Variants in HS3ST4 observed in about 807,000 individuals in gnomAD.
HS3ST4 encodes the protein heparan sulfate-glucosamine 3-sulfotransferase 4, also known as heparan sulfate glucosamine 3-O-sulfotransferase 4.
In HS3ST4, 17 loss-of-function variants were observed where a neutral mutation model predicts 29.2. The observed-to-expected ratio is 0.58, with a 90% CI of 0.40 to 0.87. The LOEUF is 0.87. Ranked by LOEUF, HS3ST4 falls within the 40% of genes least tolerant of loss-of-function variation. HS3ST4 has a pLI of 0.00. For synonymous variants in HS3ST4, 314 were observed against 285.7 expected, an observed-to-expected ratio of 1.10 and a Z score of -1.00; for missense variants, 627 against 634.5, an observed-to-expected ratio of 0.99 and a Z score of 0.13.
chr16:25,954,420 C>T (rs1184352580), intron 1 of HS3ST4, among the ~76,000 whole-genome samples: 2 of 152,122 alleles, frequency 1.3e-5, no homozygotes, highest in Non-Finnish European at 2.9e-5. Context: ...GCTGCTTGAT[C>T]ACACTGACCA....
At chr16:25,965,647 G>A (rs60743496) in intron 1 of HS3ST4, among the ~76,000 whole-genome samples, 16 of 151,916 alleles carry the variant, frequency 1.1e-4, no homozygotes, top group Non-Finnish European at 1.9e-4. Context: ...TTTATCATTC[G>A]TGTGTCTTCA....
chr16:26,030,527 A>G (rs1473530577), intron 1 of HS3ST4, among the ~76,000 whole-genome samples: 2 of 152,232 alleles, frequency 1.3e-5, no homozygotes, highest in East Asian at 3.8e-4. Context: ...CATATTTGTA[A>G]TTACTAGAAA....
At chr16:26,006,963 A>C (rs1209291538) in intron 1 of HS3ST4, among the ~76,000 whole-genome samples, 2 of 152,242 alleles carry the variant, frequency 1.3e-5, no homozygotes, top group Non-Finnish European at 2.9e-5. Context: ...GCCTAAGGGC[A>C]GCTTGGAGGT....
At chr16:25,947,560 T>C (rs1968640838) in intron 1 of HS3ST4, among the ~76,000 whole-genome samples, 1 of 152,040 alleles carries the variant, frequency 6.6e-6, no homozygotes, top group African/African-American at 2.4e-5. Context: ...TTTTTTTTAA[T>C]GCAAAATCAC....
chr16:25,768,510 G>A (rs1349205459), intron 1 of HS3ST4, among the ~76,000 whole-genome samples: 1 of 152,180 alleles, frequency 6.6e-6, no homozygotes, highest in Admixed American at 6.5e-5. Context: ...CCGACCAGGA[G>A]CTGAGAAGCC....
chr16:26,022,810 T>G (rs1282890307), intron 1 of HS3ST4, among the ~76,000 whole-genome samples: 1 of 152,154 alleles, frequency 6.6e-6, no homozygotes, highest in African/African-American at 2.4e-5. Context: ...CCTACAGCGC[T>G]TTTTATTCTG....
rs1292080962 is a variant in HS3ST4, at chr16:26,137,050, G to C, written c.*802G>C. ...GGCCCACAGGGCTGCTCAAAGAGTA[G>C]AGTAATTGTAACCGAGGTCAGAGCT... On this transcript the variant is annotated 3_prime_UTR_variant, in exon 2 of 2. Transcript: ENST00000331351. 2 of 152,128 alleles carry C rather than the reference G, an allele frequency of 1.3e-5. No homozygotes were observed. The highest frequency in any genetic ancestry group is 2.9e-5 in the Non-Finnish European group (2 of 68,084). The allele number at this position is 152,128 out of a possible 1,614,324, so 9.4% of individuals were successfully genotyped here.
chr16:26,056,547 G>T (rs149616398), intron 1 of HS3ST4, among the ~76,000 whole-genome samples: 16 of 152,228 alleles, frequency 1.1e-4, no homozygotes, highest in Non-Finnish European at 2.4e-4. Context: ...AAAGCTGTGT[G>T]TTTAGACAGT....
At chr16:26,049,635 T>C (rs1183796136) in intron 1 of HS3ST4, among the ~76,000 whole-genome samples, 1 of 152,076 alleles carries the variant, frequency 6.6e-6, no homozygotes, top group Non-Finnish European at 1.5e-5. Flanking sequence ...AATTCTGCAG[T>C]GGACACCAAC....
chr16:26,036,711 C>A (rs1969586581), intron 1 of HS3ST4, among the ~76,000 whole-genome samples: 4 of 152,226 alleles, frequency 2.6e-5, no homozygotes, highest in African/African-American at 9.6e-5. Context: ...TTCCAGTTTT[C>A]TGCAGACTGA....
chr16:25,710,807 C>CA lies in HS3ST4; in HGVS notation c.734+17656_734+17657insA, dbSNP rs1217980234. On this transcript the variant is annotated intron_variant, in intron 1 of 1. Transcript: ENST00000331351. ...CAGCAGTTGTGCTTTTGCATATTATCCTTTTTTTTTTTTTTTTTTTTTTTT... is the reference window on the plus strand; with the variant it reads ...CAGCAGTTGTGCTTTTGCATATTATCACTTTTTTTTTTTTTTTTTTTTTTTT... Among the ~76,000 whole-genome samples the CA allele has an allele frequency of 4.0e-4, 37 of 93,048 alleles. 1 individual carries two copies. The highest frequency in any genetic ancestry group is 7.1e-4 in the Non-Finnish European group (33 of 46,224). 61.0% of individuals were successfully genotyped at this position (93,048 alleles called of 152,430 possible). A position where few individuals can be genotyped will look rare whatever the true frequency, so the allele number is the denominator to read the frequency against.
intron 1 of HS3ST4, among the ~76,000 whole-genome samples, chr16:25,838,379 C>T (rs1452061577): frequency 6.6e-6 from 1 of 152,162 alleles, no homozygotes; most frequent in Non-Finnish European, 1.5e-5. Context: ...TACTTATGCA[C>T]CTGCCATTTG....
intron 1 of HS3ST4, among the ~76,000 whole-genome samples, chr16:25,766,665 T>C (rs1172515784): frequency 6.6e-6 from 1 of 152,240 alleles, no homozygotes; most frequent in East Asian, 1.9e-4. Context: ...TAATAAACAT[T>C]GGTGATACAA....
intron 1 of HS3ST4, among the ~76,000 whole-genome samples, chr16:25,855,094 G>A (rs1455376387): frequency 6.6e-6 from 1 of 152,182 alleles, no homozygotes; most frequent in Non-Finnish European, 1.5e-5. Context: ...GGGTGGTGGG[G>A]AACCAATAGG....
At chr16:25,862,424 C>A (rs6650563) in intron 1 of HS3ST4, among the ~76,000 whole-genome samples, 25,802 of 152,094 alleles carry the variant, frequency 0.17, 2,352 homozygotes, top group East Asian at 0.25. Flanking sequence ...AACTCTTGAC[C>A]TCAAGTGATC....
At position 25,722,800 on chromosome 16, in the gene HS3ST4, T is replaced by C. The variant is rs529727971; in HGVS notation, c.734+29649T>C. Among the ~76,000 whole-genome samples the C allele has an allele frequency of 5.3e-5, 8 of 152,322 alleles. No individual in the cohort carries two copies. In the South Asian group the frequency reaches 6.2e-4, roughly 12 times the overall value. On this transcript the variant is annotated intron_variant, in intron 1 of 1. Coordinates refer to ENST00000331351, the MANE Select transcript of HS3ST4 (RefSeq NM_006040.3). Reference sequence around the variant, plus strand: ...CTTATCAGTAAAATGGAACTACTAATAGCAGGACTTCATGGGGGTAGTTGT... The same window carrying C: ...CTTATCAGTAAAATGGAACTACTAACAGCAGGACTTCATGGGGGTAGTTGT...
intron 1 of HS3ST4, among the ~76,000 whole-genome samples, chr16:25,844,249 G>A (rs1450681442): frequency 6.6e-6 from 1 of 152,070 alleles, no homozygotes; most frequent in Non-Finnish European, 1.5e-5. Context: ...CGTTGTTTAT[G>A]CTTTTGCAAA....
intron 1 of HS3ST4, among the ~76,000 whole-genome samples, chr16:25,771,164 A>T (rs1315646719): frequency 2.6e-5 from 4 of 152,026 alleles, no homozygotes; most frequent in Non-Finnish European, 2.9e-5. Context: ...AACAGGCTCC[A>T]GTATGTGATG....
chr16:25,889,904 A>C (rs1967991009), intron 1 of HS3ST4, among the ~76,000 whole-genome samples: 1 of 95,284 alleles, frequency 1.0e-5, no homozygotes, highest in African/African-American at 3.6e-5. Context: ...TCCCCTATAC[A>C]TGCTCTCTCT....
Sources: allele counts gnomAD v4.1 joint callset (sites outside exome capture counted in the v4.1 genomes callset), GRCh38; gene constraint gnomAD v4.1.1; transcripts MANE v1.5; gene names NCBI Gene and HGNC (gene_info 2026-07-23, HGNC 2026-07-21).